SCHIP1: variants seen among roughly 807,000 people sequenced by gnomAD.
The protein encoded by SCHIP1 is schwannomin interacting protein 1.
SCHIP1 carries 8 observed loss-of-function variants against 29.7 expected under a neutral mutation model. The observed-to-expected ratio is 0.27, with a 90% confidence interval of 0.16 to 0.49. The LOEUF (loss-of-function observed/expected upper bound fraction) is 0.49, where lower values mean the gene tolerates loss of function less well. Among genes scored for constraint, SCHIP1 ranks in the 20% least tolerant of loss-of-function variants. The probability of loss-of-function intolerance (pLI) is 0.99; values close to 1 mark genes in which losing one functional copy is unlikely to be tolerated. For synonymous variants in SCHIP1, 76 were observed against 94.9 expected (o/e 0.80, Z 1.16); for missense variants, 193 against 294.6 (o/e 0.66, Z 2.52).
the SCHIP1 span, among the ~76,000 whole-genome samples, chr3:159,380,937 A>G: frequency 6.6e-6 from 1 of 152,214 alleles, no homozygotes. Flanking sequence ...CACAGTCTGC[A>G]GCAGCTCATA....
intron 2 of SCHIP1, among the ~76,000 whole-genome samples, chr3:159,871,747 T>C (rs192868433): frequency 2.2e-4 from 31 of 142,336 alleles, no homozygotes; most frequent in Admixed American, 1.9e-3. Flanking sequence ...CTGTAGCATA[T>C]AAAATTTTAC....
At chr3:159,729,964 G>C in the SCHIP1 span, among the ~76,000 whole-genome samples, 2 of 152,044 alleles carry the variant, frequency 1.3e-5, no homozygotes, top group South Asian at 2.1e-4. Flanking sequence ...CCTGGATATG[G>C]AATAATATCC....
the SCHIP1 span, among the ~76,000 whole-genome samples, chr3:159,714,415 G>T: frequency 2.0e-5 from 3 of 152,188 alleles, no homozygotes; most frequent in Non-Finnish European, 4.4e-5. Flanking sequence ...TGCAGCCCAC[G>T]GACCGTAAGC....
At chr3:159,845,929 G>A (rs932831214) in intron 1 of SCHIP1, 15 of 152,222 alleles carry the variant, frequency 9.9e-5, no homozygotes, top group African/African-American at 3.6e-4. Context: ...TCAGCCTCTT[G>A]GCCAGTTGCC....
chr3:159,366,671 A>G, the SCHIP1 span, among the ~76,000 whole-genome samples: 6 of 152,272 alleles, frequency 3.9e-5, no homozygotes, highest in Admixed American at 2.0e-4. Flanking sequence ...TAGACCTGTG[A>G]CAGCACAGGC....
At chr3:159,274,609 A>G in the SCHIP1 span, 1 of 833,162 alleles carries the variant, frequency 1.2e-6, no homozygotes, top group African/African-American at 1.9e-5. Flanking sequence ...TAGACTATCA[A>G]ATTTGTAGTT....
the SCHIP1 span, among the ~76,000 whole-genome samples, chr3:159,546,731 G>A: frequency 6.6e-6 from 1 of 152,086 alleles, no homozygotes; most frequent in Non-Finnish European, 1.5e-5. Context: ...CTTCATCCAT[G>A]TTCCTTCAAA....
the SCHIP1 span, among the ~76,000 whole-genome samples, chr3:159,328,272 C>T: frequency 2.0e-5 from 3 of 152,026 alleles, no homozygotes; most frequent in African/African-American, 7.2e-5. Context: ...TTCTCTTGGA[C>T]AATTGTGCCC....
chr3:159,593,653 G>A, the SCHIP1 span, among the ~76,000 whole-genome samples: 4 of 152,174 alleles, frequency 2.6e-5, no homozygotes, highest in African/African-American at 7.2e-5. Flanking sequence ...GGTCTCTCCT[G>A]GACAGAAGGA....
chr3:159,695,414 G>A, the SCHIP1 span, among the ~76,000 whole-genome samples: 906 of 152,042 alleles, frequency 6.0e-3, 5 homozygotes, highest in Middle Eastern at 0.014. Context: ...CATGTAAATC[G>A]CCACTTGATT....
the SCHIP1 span, chr3:159,274,427 G>A: frequency 4.4e-6 from 4 of 902,660 alleles, no homozygotes; most frequent in Non-Finnish European, 5.3e-6. Flanking sequence ...GTATAGAGTG[G>A]CAGCTTATTA....
chr3:159,566,519 T>A, the SCHIP1 span, among the ~76,000 whole-genome samples: 5 of 152,020 alleles, frequency 3.3e-5, no homozygotes, highest in Admixed American at 3.3e-4. Context: ...TAAGTGCTAA[T>A]GTAAAAGAAA....
At chr3:159,290,336 T>C in the SCHIP1 span, among the ~76,000 whole-genome samples, 1 of 152,148 alleles carries the variant, frequency 6.6e-6, no homozygotes, top group Non-Finnish European at 1.5e-5. Flanking sequence ...TCTGTACTTG[T>C]ATGTTTTTGT....
At chr3:159,657,592 C>T in the SCHIP1 span, among the ~76,000 whole-genome samples, 8 of 152,216 alleles carry the variant, frequency 5.3e-5, no homozygotes, top group Admixed American at 3.9e-4. Context: ...CATAAGTTTC[C>T]TGCTGCCTAA....
chr3:159,729,434 A>G, the SCHIP1 span, among the ~76,000 whole-genome samples: 1 of 152,312 alleles, frequency 6.6e-6, no homozygotes, highest in South Asian at 2.1e-4. Context: ...TTATTTACAG[A>G]TGATATGATC....
the SCHIP1 span, among the ~76,000 whole-genome samples, chr3:159,713,233 G>A: frequency 5.3e-3 from 664 of 124,560 alleles, 2 homozygotes; most frequent in African/African-American, 0.017. Flanking sequence ...AGAAAGAAAG[G>A]AAGAAAGAAA....
At chr3:159,298,833 A>G in the SCHIP1 span, among the ~76,000 whole-genome samples, 1 of 152,224 alleles carries the variant, frequency 6.6e-6, no homozygotes, top group Non-Finnish European at 1.5e-5. Context: ...TAAAATAAAC[A>G]TCGTTGGCCC....
the SCHIP1 span, among the ~76,000 whole-genome samples, chr3:159,673,490 C>T: frequency 3.3e-5 from 5 of 152,204 alleles, no homozygotes; most frequent in Admixed American, 3.3e-4. Context: ...GCTGATTTGG[C>T]AATCTCTCAC....
At chr3:159,698,105 G>A in the SCHIP1 span, among the ~76,000 whole-genome samples, 3 of 152,180 alleles carry the variant, frequency 2.0e-5, no homozygotes, top group Admixed American at 6.5e-5. Context: ...ACTTATATGT[G>A]GGGAGGCAAC....
Sources: gnomAD v4.1 joint callset for allele counts (sites outside exome capture counted in the v4.1 genomes callset) on GRCh38, gnomAD v4.1.1 for gene constraint, MANE v1.5 for transcripts, NCBI Gene and HGNC (gene_info 2026-07-23, HGNC 2026-07-21) for gene names.